Variants in NEDD9 observed in about 807,000 individuals in gnomAD.
The protein encoded by NEDD9 is neural precursor cell expressed, developmentally down-regulated 9.
A neutral mutation model predicts 76.6 loss-of-function variants in NEDD9; 26 were observed. That is an observed-to-expected ratio of 0.34 (90% confidence interval 0.25 to 0.47). The LOEUF (loss-of-function observed/expected upper bound fraction) is 0.47, where lower values mean the gene tolerates loss of function less well. Among genes scored for constraint, NEDD9 ranks in the 20% least tolerant of loss-of-function variants. NEDD9 has a pLI of 1.00. For missense variants in NEDD9, 937 were observed against 1,058.5 expected (o/e 0.89, Z 1.59); for synonymous variants, 392 against 414.2 (o/e 0.95, Z 0.65).
intron 3 of NEDD9, among the ~76,000 whole-genome samples, chr6:11,291,947 C>T (rs568967652): frequency 2.6e-5 from 4 of 152,208 alleles, no homozygotes; most frequent in Admixed American, 2.6e-4. Context: ...TACAGGGTCA[C>T]CTTTGAGTTC....
chr6:11,187,586 A>G (rs942135139), intron 6 of NEDD9, among the ~76,000 whole-genome samples: 3 of 152,178 alleles, frequency 2.0e-5, no homozygotes, highest in African/African-American at 4.8e-5. Context: ...GGCCCAATCA[A>G]CGTGGCCCAA....
intron 2 of NEDD9, among the ~76,000 whole-genome samples, chr6:11,323,755 C>T (rs531545161): frequency 1.2e-4 from 19 of 152,202 alleles, no homozygotes; most frequent in African/African-American, 3.4e-4. Context: ...GACAGCCTTC[C>T]GCTGTGGTGT....
intron 1 of NEDD9, among the ~76,000 whole-genome samples, chr6:11,215,997 C>T (rs1212270847): frequency 6.6e-6 from 1 of 152,156 alleles, no homozygotes; most frequent in Non-Finnish European, 1.5e-5. Context: ...TCGTCCTGGG[C>T]GTTCTTTGTC....
chr6:11,267,868 G>C (rs79582196), intron 3 of NEDD9, among the ~76,000 whole-genome samples: 1 of 152,068 alleles, frequency 6.6e-6, no homozygotes, highest in Non-Finnish European at 1.5e-5. Context: ...GTATTATGCC[G>C]TAAGAATAGA....
At chr6:11,348,348 A>T (rs544481914) in intron 1 of NEDD9, among the ~76,000 whole-genome samples, 11 of 152,270 alleles carry the variant, frequency 7.2e-5, no homozygotes, top group Non-Finnish European at 1.6e-4. Flanking sequence ...TAAAATGGAC[A>T]TACTGCCCAA....
At chr6:11,275,565 C>CACACACACATACATATAT (rs551632582) in intron 3 of NEDD9, among the ~76,000 whole-genome samples, 2 of 150,184 alleles carry the variant, frequency 1.3e-5, no homozygotes, top group African/African-American at 4.9e-5. Flanking sequence ...CACACACACA[C>CACACACACATACATATAT]ATATATATAT....
At chr6:11,233,332 C>T (rs1253560861), upstream of NEDD9, 2 of 518,920 alleles carry the variant, frequency 3.9e-6, no homozygotes, top group Non-Finnish European at 7.7e-6. Context: ...TTTTCCTGGA[C>T]AGCTTCTCAC....
intron 4 of NEDD9, among the ~76,000 whole-genome samples, chr6:11,192,054 A>G (rs1191416763): frequency 6.6e-6 from 1 of 152,220 alleles, no homozygotes; most frequent in African/African-American, 2.4e-5. Context: ...ATATATTAGT[A>G]CTTGCCAAAC....
intron 2 of NEDD9, among the ~76,000 whole-genome samples, chr6:11,328,247 G>T (rs1027362558): frequency 2.6e-5 from 4 of 152,366 alleles, no homozygotes; most frequent in Middle Eastern, 3.4e-3. Flanking sequence ...CCTGTTGTGT[G>T]CTGGAGACAC....
At chr6:11,200,615 A>G in intron 2 of NEDD9, 1 of 1,109,638 alleles carries the variant, frequency 9.0e-7, no homozygotes, top group Non-Finnish European at 1.1e-6. Context: ...AGAAATGAAG[A>G]TTTAATCATT....
chr6:11,324,457 C>T (rs536836887), intron 2 of NEDD9, among the ~76,000 whole-genome samples: 1 of 152,344 alleles, frequency 6.6e-6, no homozygotes, highest in East Asian at 1.9e-4. Context: ...ACCCCACGTG[C>T]AGGGCCAGCT....
upstream of NEDD9, among the ~76,000 whole-genome samples, chr6:11,233,786 G>A (rs905100510): frequency 1.3e-5 from 2 of 152,088 alleles, no homozygotes; most frequent in East Asian, 1.9e-4. Context: ...CCTTTTTCCC[G>A]GGCAAGACTG....
At chr6:11,288,969 C>T (rs1196557493) in intron 3 of NEDD9, among the ~76,000 whole-genome samples, 1 of 152,206 alleles carries the variant, frequency 6.6e-6, no homozygotes, top group Admixed American at 6.5e-5. Flanking sequence ...ATGCATTTTG[C>T]TAATTTAACT....
chr6:11,243,330 T>TTGA (rs369182385), intron 3 of NEDD9, among the ~76,000 whole-genome samples: 7 of 152,270 alleles, frequency 4.6e-5, no homozygotes, highest in South Asian at 4.1e-4. Flanking sequence ...AATACAAGCC[T>TTGA]TGATGATGAT....
intron 1 of NEDD9, among the ~76,000 whole-genome samples, chr6:11,375,105 T>G (rs1193728833): frequency 1.3e-5 from 2 of 152,234 alleles, no homozygotes; most frequent in Admixed American, 1.3e-4. Context: ...CTTGAAATCC[T>G]AACTCTGAAC....
At chr6:11,374,023 T>G (rs1762928248) in intron 1 of NEDD9, among the ~76,000 whole-genome samples, 1 of 152,118 alleles carries the variant, frequency 6.6e-6, no homozygotes, top group Admixed American at 6.6e-5. Context: ...CATAATTGTG[T>G]GAACCAACTT....
At chr6:11,227,388 A>G (rs1759337172) in intron 1 of NEDD9, among the ~76,000 whole-genome samples, 2 of 152,170 alleles carry the variant, frequency 1.3e-5, no homozygotes. Context: ...TCATTCATAT[A>G]TTATCCCAGG....
chr6:11,320,592 C>T (rs1761773787), intron 2 of NEDD9, among the ~76,000 whole-genome samples: 1 of 152,186 alleles, frequency 6.6e-6, no homozygotes, highest in Non-Finnish European at 1.5e-5. Flanking sequence ...TAGTGCAGGG[C>T]TACGTGCTAC....
intron 3 of NEDD9, among the ~76,000 whole-genome samples, chr6:11,268,860 G>A (rs1760251462): frequency 1.3e-5 from 2 of 152,076 alleles, no homozygotes; most frequent in African/African-American, 4.8e-5. Context: ...TTTTAACCTG[G>A]TTTCAGAGGT....
Sources: allele counts gnomAD v4.1 joint callset (sites outside exome capture counted in the v4.1 genomes callset), GRCh38; gene constraint gnomAD v4.1.1; transcripts MANE v1.5; gene names NCBI Gene and HGNC (gene_info 2026-07-23, HGNC 2026-07-21).